LRRC2: variants seen among roughly 807,000 people sequenced by gnomAD.
The protein encoded by LRRC2 is leucine rich repeat containing 2.
In LRRC2, 27 loss-of-function variants were observed where a neutral mutation model predicts 40.2. The observed-to-expected ratio is 0.67, with a 90% CI of 0.49 to 0.93. The LOEUF (loss-of-function observed/expected upper bound fraction) is 0.93. Ranked by LOEUF, LRRC2 falls within the 40% of genes least tolerant of loss-of-function variation. The probability of loss-of-function intolerance (pLI) is 0.00; values close to 1 mark genes in which losing one functional copy is unlikely to be tolerated. For synonymous variants in LRRC2, 147 were observed against 158.9 expected (o/e 0.92, Z 0.56); for missense variants, 402 against 439.6 (o/e 0.91, Z 0.76).
Position 46,532,895 on chromosome 3 carries a change from G to C in LRRC2, c.505C>G (p.Leu169Val). 3 of 1,613,628 alleles carry C rather than the reference G, an allele frequency of 1.9e-6. No individual in the cohort carries two copies. Among genetic ancestry groups the C allele is most frequent in the Non-Finnish European group, 2.5e-6 (3 of 1,179,826 alleles). ...TTGAAACCCACATTGAGTTCTTTCA[G>C]GTTCTTCAAACAACCTGTCAGCAGA... is the stretch of plus-strand genomic sequence containing the variant. ...LPAEIGCLKN[L>V]KELNVGFNYL... is the part of the protein sequence containing the mutation. The change falls in exon 5 of 9, where the codon CTG (leucine) becomes GTG (valine). Residue 169 changes from leucine (L) to valine (V), a missense_variant. Physicochemically the swap from Leu to Val is conservative, Grantham distance 32. Coordinates refer to ENST00000395905, the MANE Select transcript of LRRC2 (RefSeq NM_024512.5).
At chr3:46,551,751 CTT>C (rs748541390) in intron 1 of LRRC2, 141 bp from the exon 2 acceptor site, 3,587 of 138,006 alleles carry the variant, frequency 0.026, no homozygotes, top group South Asian at 0.063. Context: ...TGACAGTTTG[CTT>C]TTTTTTTTTT....
chr3:46,521,623 G>T lies in LRRC2; in HGVS notation c.965C>A (p.Ala322Asp), dbSNP rs200302100. ...VSLMDNPIDN[A>D]QCEDGNEIME... ...TATTTCATTGCCATCTTCACATTGG[G>T]CATTATCAATAGGATTGTCCATAAG... The change falls in exon 8 of 9, where the codon GCC (alanine) becomes GAC (aspartate). Residue 322 changes from alanine (A) to aspartate (D), a missense_variant. Physicochemically the swap from Ala to Asp is moderately radical, Grantham distance 126. Transcript: ENST00000395905. 1.3e-4 allele frequency: 208 copies of T among 1,612,492 alleles called. 1 individual carries two copies. In the African/African-American group the frequency reaches 2.5e-3, roughly 20 times the overall value.
chr3:46,546,441 G>A (rs182842842), intron 2 of LRRC2, among the ~76,000 whole-genome samples: 36 of 152,328 alleles, frequency 2.4e-4, no homozygotes, highest in Admixed American at 3.9e-4. Context: ...TGGACCACCA[G>A]GCACTGTCAA....
intron 1 of LRRC2, among the ~76,000 whole-genome samples, chr3:46,552,289 A>G (rs1260337890): frequency 6.6e-6 from 1 of 151,906 alleles, no homozygotes; most frequent in African/African-American, 2.4e-5. Flanking sequence ...GGGCACGGGC[A>G]TGCACACACA....
At chr3:46,527,621 A>T (rs745794758) in intron 6 of LRRC2, 40 bp from the exon 7 acceptor site, 2 of 1,550,720 alleles carry the variant, frequency 1.3e-6, no homozygotes, top group Non-Finnish European at 1.8e-6. Context: ...TGGACTTAGC[A>T]TCATAGCTAA....
chr3:46,551,339 A>G, intron 2 of LRRC2, 128 bp downstream of exon 2: 1 of 1,174,708 alleles, frequency 8.5e-7, no homozygotes. Flanking sequence ...TCTGAAGTTT[A>G]ATGAGGAAAA....
chr3:46,541,435 C>T (rs1704389871), intron 3 of LRRC2, among the ~76,000 whole-genome samples: 1 of 151,906 alleles, frequency 6.6e-6, no homozygotes, highest in Non-Finnish European at 1.5e-5. Flanking sequence ...TATGCATGTA[C>T]TTTTGCTCTT....
In LRRC2 at chr3:46,566,270, C is replaced by T. The variant is rs1204777014; in HGVS notation, c.-113G>A. On this transcript the variant is annotated 5_prime_UTR_variant, in exon 1 of 9. Transcript: ENST00000395905. ...TTACACCGCAGAGGCTGTTTACACC[C>T]GCTGAGCAGCACGGCCGAGCCGGAA... is the stretch of plus-strand genomic sequence containing the variant. 6.6e-6 allele frequency: 1 copy of T among 150,912 alleles called. No individual in the cohort carries two copies. Among genetic ancestry groups the T allele is most frequent in the Non-Finnish European group, 1.5e-5 (1 of 67,564 alleles). 9.3% of individuals were successfully genotyped at this position (150,912 alleles called of 1,614,324 possible). A position where few individuals can be genotyped will look rare whatever the true frequency, so the allele number is the denominator to read the frequency against.
At chr3:46,543,326 C>T (rs1161127754) in intron 3 of LRRC2, among the ~76,000 whole-genome samples, 1 of 152,112 alleles carries the variant, frequency 6.6e-6, no homozygotes, top group Non-Finnish European at 1.5e-5. Flanking sequence ...ACATTAAACA[C>T]GCTTTACAGG....
chr3:46,542,632 A>T (rs954723590), intron 3 of LRRC2, among the ~76,000 whole-genome samples: 8 of 152,356 alleles, frequency 5.3e-5, no homozygotes, highest in South Asian at 2.1e-4. Context: ...AGATATCTGT[A>T]AAAGTGGAAA....
At chr3:46,541,276 T>C (rs1422285068) in intron 3 of LRRC2, among the ~76,000 whole-genome samples, 1 of 142,586 alleles carries the variant, frequency 7.0e-6, no homozygotes, top group Non-Finnish European at 1.5e-5. Flanking sequence ...GACCTTGAAG[T>C]GAGCCGAGAA....
chr3:46,552,164 C>A (rs1401732908), intron 1 of LRRC2, among the ~76,000 whole-genome samples: 1 of 152,114 alleles, frequency 6.6e-6, no homozygotes, highest in African/African-American at 2.4e-5. Context: ...CCAAAGCCCC[C>A]TGGGGATTCC....
intron 5 of LRRC2, among the ~76,000 whole-genome samples, chr3:46,532,107 T>G (rs1476062075): frequency 6.6e-6 from 1 of 152,180 alleles, no homozygotes; most frequent in Admixed American, 6.5e-5. Context: ...TTGCTATGAG[T>G]ATATAAAAAA....
At chr3:46,533,034 T>A in intron 4 of LRRC2, 125 bp from the exon 5 acceptor site, 1 of 1,047,444 alleles carries the variant, frequency 9.5e-7, no homozygotes, top group Non-Finnish European at 1.4e-6. Context: ...CATAATTTAG[T>A]ATTTGGGTTT....
At chr3:46,555,232 C>T (rs1295830951) in intron 1 of LRRC2, among the ~76,000 whole-genome samples, 2 of 152,046 alleles carry the variant, frequency 1.3e-5, no homozygotes, top group African/African-American at 4.8e-5. Context: ...TTATATTATC[C>T]TAACTATATG....
At chr3:46,519,192 G>C (rs1703921836) in intron 8 of LRRC2, 129 bp from the exon 9 acceptor site, 1 of 734,904 alleles carries the variant, frequency 1.4e-6, no homozygotes, top group Admixed American at 1.8e-5. Flanking sequence ...TTTAAGTATA[G>C]AGATACTGTA....
rs1227387040 is a variant in LRRC2, at chr3:46,539,170, T to C, written c.365A>G (p.His122Arg). 1 of 1,614,052 alleles carries C rather than the reference T, an allele frequency of 6.2e-7. No individual in the cohort carries two copies. Among genetic ancestry groups the C allele is most frequent in the Admixed American group, 1.7e-5 (1 of 60,004 alleles). ...ELPDSLKEQTHLREWYISNTL... is the reference protein window; with the variant it reads ...ELPDSLKEQTRLREWYISNTL... ...ATTGCTTATGTACCATTCTCTCAGG[T>C]GTGTCTGCTCCTTCAATGAATCTGG... Residue 122 changes from histidine to arginine, a missense_variant, in exon 4 of 9, where the codon CAC (histidine) becomes CGC (arginine). Coordinates refer to ENST00000395905, the MANE Select transcript of LRRC2 (RefSeq NM_024512.5).
At chr3:46,532,094 G>A (rs1162724589) in intron 5 of LRRC2, among the ~76,000 whole-genome samples, 1 of 152,048 alleles carries the variant, frequency 6.6e-6, no homozygotes, top group Non-Finnish European at 1.5e-5. Context: ...TCATCTACAA[G>A]TTTTGCTATG....
At chr3:46,550,091 A>G (rs954622373) in intron 2 of LRRC2, among the ~76,000 whole-genome samples, 2 of 152,158 alleles carry the variant, frequency 1.3e-5, no homozygotes, top group African/African-American at 4.8e-5. Context: ...ACAATCTCAG[A>G]TTAGTGGCAA....
Sources: gnomAD v4.1 joint callset for allele counts (sites outside exome capture counted in the v4.1 genomes callset) on GRCh38, gnomAD v4.1.1 for gene constraint, MANE v1.5 for transcripts, NCBI Gene and HGNC (gene_info 2026-07-23, HGNC 2026-07-21) for gene names.